Variants in CEP20 observed in about 807,000 individuals in gnomAD.
The protein encoded by CEP20 is centrosomal protein 20.
A neutral mutation model predicts 20.0 loss-of-function variants in CEP20; 18 were observed. The observed-to-expected ratio is 0.90, with a 90% CI of 0.62 to 1.34. CEP20 has a LOEUF of 1.34. Among genes scored for constraint, CEP20 ranks in the 40% most tolerant of loss-of-function variants. The pLI, the probability that CEP20 is intolerant of heterozygous loss-of-function variation, is 0.00. For missense variants in CEP20, 215 were observed against 201.6 expected (o/e 1.07, Z -0.40); for synonymous variants, 77 against 73.7 (o/e 1.04, Z -0.23).
At chr16:15,869,466 A>G (rs919988730) in intron 4 of CEP20, among the ~76,000 whole-genome samples, 1 of 151,866 alleles carries the variant, frequency 6.6e-6, no homozygotes, top group Non-Finnish European at 1.5e-5. Flanking sequence ...GTACACCACC[A>G]CGTCCAGCTA....
chr16:15,886,792 A>G (rs1314037255), intron 1 of CEP20, among the ~76,000 whole-genome samples: 1 of 152,198 alleles, frequency 6.6e-6, no homozygotes, highest in Non-Finnish European at 1.5e-5. Flanking sequence ...GGTCCATAGC[A>G]TTTTACCTTT....
intron 1 of CEP20, chr16:15,885,776 G>A (rs566156533): frequency 2.6e-4 from 40 of 152,320 alleles, no homozygotes; most frequent in African/African-American, 9.4e-4. Context: ...AATCTACCAC[G>A]TGACTGTATC....
In CEP20 at chr16:15,870,331, T is replaced by C. The variant is rs576261856; in HGVS notation, c.449-2815A>G. ...AAGTGTTAAGGTGTACAATATCCAC[T>C]GGTGACAACTGAACTCAGAAACTCA... is the stretch of plus-strand genomic sequence containing the variant. On this transcript the variant is annotated intron_variant, in intron 4 of 4. Transcript: ENST00000255759. Among the ~76,000 whole-genome samples, 139 of 152,302 alleles carry C rather than the reference T, an allele frequency of 9.1e-4. 2 individuals are homozygous for C. The highest frequency in any genetic ancestry group is 3.2e-3 in the African/African-American group (134 of 41,568).
At chr16:15,879,758 A>G (rs1008286640) in intron 3 of CEP20, 46 bp downstream of exon 3, 1 of 1,084,472 alleles carries the variant, frequency 9.2e-7, no homozygotes, top group Admixed American at 2.3e-5. Context: ...TGGTGCAATT[A>G]TGACTCAATA....
intron 4 of CEP20, among the ~76,000 whole-genome samples, chr16:15,869,573 G>A (rs1467605530): frequency 1.3e-5 from 2 of 152,026 alleles, no homozygotes; most frequent in Admixed American, 6.6e-5. Context: ...GGCCTCCCAA[G>A]GTGCTGGGAT....
chr16:15,866,202 G>A lies in CEP20; in HGVS notation c.*1238C>T, dbSNP rs867989392. The stretch of plus-strand genomic sequence containing the variant: ...ATAAAAATTCTTGGCTAATCTGTAA[G>A]AAGTGAACACTGACTAGCATTGCCA... On this transcript the variant is annotated 3_prime_UTR_variant, in exon 5 of 5. Transcript: ENST00000255759. The A allele has an allele frequency of 2.6e-5, 4 of 152,190 alleles. No homozygotes were observed. Among genetic ancestry groups the A allele is most frequent in the Non-Finnish European group, 4.4e-5 (3 of 68,036 alleles). 9.4% of individuals were successfully genotyped at this position (152,190 alleles called of 1,614,324 possible).
chr16:15,879,659 T>C, intron 3 of CEP20, 145 bp downstream of exon 3: 2 of 584,486 alleles, frequency 3.4e-6, no homozygotes, highest in Non-Finnish European at 5.9e-6. Flanking sequence ...ATCTGACTTA[T>C]TCACTGCTGC....
At chr16:15,881,061 C>G (rs1287015573) in intron 2 of CEP20, among the ~76,000 whole-genome samples, 4 of 152,048 alleles carry the variant, frequency 2.6e-5, no homozygotes, top group Non-Finnish European at 4.4e-5. Context: ...CTTGAATCAT[C>G]CCGAACCATC....
intron 1 of CEP20, among the ~76,000 whole-genome samples, chr16:15,887,639 T>C (rs1234844916): frequency 6.6e-6 from 1 of 152,190 alleles, no homozygotes; most frequent in Non-Finnish European, 1.5e-5. Context: ...GCCTGACACA[T>C]GAGGCTCAAT....
At chr16:15,879,723 G>A in intron 3 of CEP20, 81 bp downstream of exon 3, 1 of 784,700 alleles carries the variant, frequency 1.3e-6, no homozygotes, top group Non-Finnish European at 2.1e-6. Context: ...ATAAATACTT[G>A]AATTAAAATG....
intron 2 of CEP20, among the ~76,000 whole-genome samples, chr16:15,881,680 A>T (rs2045101279): frequency 6.6e-6 from 1 of 151,936 alleles, no homozygotes; most frequent in African/African-American, 2.4e-5. Context: ...GTCCAGGGGT[A>T]ACCAGGATTC....
intron 1 of CEP20, 93 bp downstream of exon 1, chr16:15,888,465 C>T (rs746987047): frequency 1.3e-5 from 20 of 1,541,380 alleles, no homozygotes; most frequent in Non-Finnish European, 1.8e-5. Context: ...AAAAGCCAAC[C>T]CATGTGTTCC....
intron 2 of CEP20, among the ~76,000 whole-genome samples, chr16:15,883,266 C>T (rs1175035832): frequency 2.0e-5 from 3 of 151,958 alleles, no homozygotes; most frequent in African/African-American, 7.2e-5. Flanking sequence ...AGGAGACTGA[C>T]GCAGGAAGAC....
chr16:15,870,649 T>A (rs2151420499), intron 4 of CEP20, among the ~76,000 whole-genome samples: 1 of 152,054 alleles, frequency 6.6e-6, no homozygotes, highest in South Asian at 2.1e-4. Flanking sequence ...AGACCCTGAC[T>A]GCAAAAAATT....
chr16:15,885,308 A>C (rs549057091), intron 1 of CEP20, among the ~76,000 whole-genome samples: 18 of 146,780 alleles, frequency 1.2e-4, no homozygotes, highest in Middle Eastern at 3.5e-3. Context: ...ACTCTGTTTA[A>C]AACAACCAAC....
rs2044682663 is a variant in CEP20, at chr16:15,866,478, AAAATACTTCTTTAAT to A, written c.*947_*961del. The A allele has an allele frequency of 6.6e-6, 1 of 152,254 alleles. No homozygotes were observed. The highest frequency in any genetic ancestry group is 1.5e-5 in the Non-Finnish European group (1 of 68,050). The allele number at this position is 152,254 out of a possible 1,614,324, so 9.4% of individuals were successfully genotyped here. A position where few individuals can be genotyped will look rare whatever the true frequency, so the allele number is the denominator to read the frequency against. The stretch of plus-strand genomic sequence containing the variant: ...AAATGAGCCTGTGGACACTACATTA[AAAATACTTCTTTAAT>A]AAATATCGAAGTAGCGTATTAGAGA... On this transcript the variant is annotated 3_prime_UTR_variant, in exon 5 of 5. Transcript: ENST00000255759.
chr16:15,874,009 T>C (rs2044885094), intron 3 of CEP20, among the ~76,000 whole-genome samples: 1 of 152,212 alleles, frequency 6.6e-6, no homozygotes, highest in Non-Finnish European at 1.5e-5. Context: ...TAATAAGTCC[T>C]TGCCCTGAAA....
intron 4 of CEP20, among the ~76,000 whole-genome samples, chr16:15,870,195 G>A (rs1360954776): frequency 1.3e-5 from 2 of 151,754 alleles, no homozygotes; most frequent in African/African-American, 2.4e-5. Flanking sequence ...CATGAGCCGT[G>A]AGTATTAACA....
chr16:15,883,886 T>C (rs1043248750), intron 2 of CEP20, 122 bp downstream of exon 2: 1 of 728,634 alleles, frequency 1.4e-6, no homozygotes, highest in Non-Finnish European at 2.2e-6. Context: ...CATGTGATTT[T>C]TGTGTCCCAG....
Sources: allele counts gnomAD v4.1 joint callset (sites outside exome capture counted in the v4.1 genomes callset), GRCh38; gene constraint gnomAD v4.1.1; transcripts MANE v1.5; gene names NCBI Gene and HGNC (gene_info 2026-07-23, HGNC 2026-07-21).